Variants in CUX1 observed in about 807,000 individuals in gnomAD.
CUX1 encodes cut like homeobox 1, also known as protein CASP.
A neutral mutation model predicts 158.8 loss-of-function variants in CUX1; 31 were observed. The ratio of observed to expected loss-of-function variants is 0.20; its 90% confidence interval spans 0.15 to 0.26. The LOEUF is 0.26. Among genes scored for constraint, CUX1 ranks in the 10% least tolerant of loss-of-function variants. The probability of loss-of-function intolerance (pLI) is 1.00; values close to 1 mark genes in which losing one functional copy is unlikely to be tolerated. For missense variants in CUX1, 1,589 were observed against 2,014.6 expected (o/e 0.79, Z 4.04); for synonymous variants, 879 against 862.1 (o/e 1.02, Z -0.34).
At chr7:102,243,606 C>T (rs2132545178) in intron 23 of CUX1, among the ~76,000 whole-genome samples, 1 of 149,356 alleles carries the variant, frequency 6.7e-6, no homozygotes, top group South Asian at 2.1e-4. Flanking sequence ...TTGAGACCAG[C>T]CTCAGTGAGA....
At chr7:102,050,499 C>G (rs188919153) in intron 3 of CUX1, among the ~76,000 whole-genome samples, 2 of 152,054 alleles carry the variant, frequency 1.3e-5, no homozygotes, top group Admixed American at 1.3e-4. Context: ...GGCCTGGGCC[C>G]GTCATCCAAC....
At chr7:102,155,558 AAAC>A (rs1324765794) in intron 8 of CUX1, among the ~76,000 whole-genome samples, 1 of 152,016 alleles carries the variant, frequency 6.6e-6, no homozygotes, top group Non-Finnish European at 1.5e-5. Flanking sequence ...AGAAAAAAAA[AAAC>A]AACACAAAAA....
Position 102,250,367 on chromosome 7 carries a change from C to T in CUX1, c.*1325C>T, listed in dbSNP as rs547541310. 1.0e-6 allele frequency: 1 copy of T among 985,560 alleles called. No individual in the cohort carries two copies. The highest frequency in any genetic ancestry group is 1.1e-4 in the East Asian group (1 of 8,818). 61.1% of individuals were successfully genotyped at this position (985,560 alleles called of 1,614,324 possible). A position where few individuals can be genotyped will look rare whatever the true frequency, so the allele number is the denominator to read the frequency against. On this transcript the variant is annotated 3_prime_UTR_variant, in exon 24 of 24. Coordinates refer to ENST00000292535, the MANE Select transcript of CUX1 (RefSeq NM_181552.4). ...GATCTCTCTCTGGCACAGAAGGCAC[C>T]TCACCTCACACCACTCTCCTGGATA...
In CUX1 at chr7:102,019,414, G is replaced by A. The variant is rs1585298762; in HGVS notation, c.142-8684G>A. 3.9e-5 allele frequency among the ~76,000 whole-genome samples: 6 copies of A among 152,180 alleles called. No individual in the cohort carries two copies. In the East Asian group the frequency reaches 9.7e-4, roughly 24 times the overall value. Reference sequence around the variant, plus strand: ...TAATTTTTCTATTTTTAGTAGAGTTGGGGTTTCACCATGTTGGCGAGGCTG... The same window carrying A: ...TAATTTTTCTATTTTTAGTAGAGTTAGGGTTTCACCATGTTGGCGAGGCTG... On this transcript the variant is annotated intron_variant, in intron 2 of 23. Coordinates refer to ENST00000292535, the MANE Select transcript of CUX1 (RefSeq NM_181552.4).
chr7:102,178,658 G>A lies in CUX1; in HGVS notation c.1017+1G>A. ...GAGCGCCAAAAACAGCACACTCAAA[G>A]TAAGGGGGCTGCGGGGCCCGGGGGT... is the stretch of plus-strand genomic sequence containing the variant. On this transcript the variant is annotated splice_donor_variant, in intron 11 of 23. Transcript: ENST00000292535. LOFTEE classifies it high-confidence loss of function. The A allele has an allele frequency of 6.2e-7, 1 of 1,605,622 alleles. No homozygotes were observed. Among genetic ancestry groups the A allele is most frequent in the Non-Finnish European group, 8.5e-7 (1 of 1,175,552 alleles).
At chr7:102,143,332 G>A (rs576053235) in intron 8 of CUX1, among the ~76,000 whole-genome samples, 135 of 152,222 alleles carry the variant, frequency 8.9e-4, no homozygotes, top group East Asian at 1.5e-3. Flanking sequence ...ACAGAGGCGC[G>A]ATCATAGCTC....
At chr7:102,056,046 T>C (rs1008953108) in intron 3 of CUX1, among the ~76,000 whole-genome samples, 1 of 152,216 alleles carries the variant, frequency 6.6e-6, no homozygotes, top group Admixed American at 6.5e-5. Flanking sequence ...TCTTCAATTC[T>C]ATGAAGGCTG....
chr7:101,971,969 T>G (rs772656018), intron 2 of CUX1, among the ~76,000 whole-genome samples: 10 of 152,200 alleles, frequency 6.6e-5, no homozygotes, highest in Non-Finnish European at 1.5e-4. Flanking sequence ...TTTATTTTTA[T>G]TTATTTATTT....
intron 1 of CUX1, among the ~76,000 whole-genome samples, chr7:101,860,426 C>G (rs371584190): frequency 1.3e-5 from 2 of 152,152 alleles, no homozygotes; most frequent in Non-Finnish European, 2.9e-5. Context: ...ATACCTAATA[C>G]CACGATCACA....
intron 9 of CUX1, among the ~76,000 whole-genome samples, chr7:102,164,672 G>A (rs1169265185): frequency 6.6e-6 from 1 of 152,226 alleles, no homozygotes; most frequent in Non-Finnish European, 1.5e-5. Context: ...TCCAGCTGTG[G>A]TAGCTGTTCC....
chr7:102,280,141 C>A lies in CUX1; in HGVS notation c.1764+21C>A, dbSNP rs374086953. On this transcript the variant is annotated intron_variant, in intron 19 of 22. Coordinates refer to the CUX1 transcript ENST00000292538. The stretch of plus-strand genomic sequence containing the variant: ...AGCGGGTTCGTGAGCCCAGCCTGGG[C>A]AGGGGAGGGGAGGGGCATCAGCCCA... 147 of 1,555,124 alleles carry A rather than the reference C, an allele frequency of 9.5e-5. No individual in the cohort carries two copies. The African/African-American group carries it at 1.8e-3, about 19-fold the overall frequency.
intron 2 of CUX1, among the ~76,000 whole-genome samples, chr7:101,924,805 G>A (rs1805390708): frequency 2.7e-5 from 4 of 149,980 alleles, no homozygotes; most frequent in Admixed American, 2.6e-4. Flanking sequence ...GAACTCCTGG[G>A]CTCAAGCGAT....
intron 1 of CUX1, among the ~76,000 whole-genome samples, chr7:101,830,268 T>C (rs1562897925): frequency 1.3e-5 from 2 of 152,084 alleles, no homozygotes; most frequent in African/African-American, 2.4e-5. Flanking sequence ...CCACGCAGGC[T>C]TCTGTTCTGA....
At chr7:101,895,078 T>C (rs932966465) in intron 1 of CUX1, among the ~76,000 whole-genome samples, 3 of 152,088 alleles carry the variant, frequency 2.0e-5, no homozygotes, top group African/African-American at 7.2e-5. Flanking sequence ...TGGAGTGCAG[T>C]GGTGCGATCT....
chr7:102,050,031 A>T (rs1823287268), intron 3 of CUX1, among the ~76,000 whole-genome samples: 1 of 152,158 alleles, frequency 6.6e-6, no homozygotes, highest in African/African-American at 2.4e-5. Context: ...CACCCCCCTG[A>T]TAGGAGCAGA....
chr7:102,035,742 G>T (rs184778314), intron 3 of CUX1, among the ~76,000 whole-genome samples: 1 of 151,186 alleles, frequency 6.6e-6, no homozygotes, highest in Admixed American at 6.6e-5. Flanking sequence ...TATATTGAAG[G>T]ATATTAAAGG....
intron 3 of CUX1, among the ~76,000 whole-genome samples, chr7:102,056,907 GT>G (rs35992811): frequency 5.6e-5 from 8 of 142,864 alleles, no homozygotes; most frequent in Non-Finnish European, 7.6e-5. Context: ...TTGTTTTCTG[GT>G]TTTTTTTTTT....
chr7:101,839,921 C>G (rs1795037475), intron 1 of CUX1, among the ~76,000 whole-genome samples: 1 of 152,180 alleles, frequency 6.6e-6, no homozygotes, highest in African/African-American at 2.4e-5. Context: ...GCCACCACAC[C>G]TGGCTAATTT....
At chr7:102,183,430 T>C (rs1254804140) in intron 11 of CUX1, among the ~76,000 whole-genome samples, 1 of 151,986 alleles carries the variant, frequency 6.6e-6, no homozygotes, top group Non-Finnish European at 1.5e-5. Context: ...ACCCACCCCA[T>C]TGCTTTGGAG....
Sources: allele counts gnomAD v4.1 joint callset (sites outside exome capture counted in the v4.1 genomes callset), GRCh38; gene constraint gnomAD v4.1.1; transcripts MANE v1.5; gene names NCBI Gene and HGNC (gene_info 2026-07-23, HGNC 2026-07-21).